Variants in C1D observed in about 807,000 individuals in gnomAD.
The protein encoded by C1D is nuclear nucleic acid-binding protein C1D.
In C1D, 10 loss-of-function variants were observed where a neutral mutation model predicts 17.5. The observed-to-expected ratio is 0.57, with a 90% confidence interval of 0.35 to 0.97. C1D has a LOEUF of 0.97. C1D is among the 50% of genes least tolerant of loss of function. The pLI, the probability that C1D is intolerant of heterozygous loss-of-function variation, is 0.01. For synonymous variants in C1D, 49 were observed against 54.0 expected, an observed-to-expected ratio of 0.91 and a Z score of 0.40; for missense variants, 136 against 160.1, an observed-to-expected ratio of 0.85 and a Z score of 0.81.
chr2:68,048,704 A>G (rs1382695871), intron 1 of C1D, among the ~76,000 whole-genome samples: 1 of 152,206 alleles, frequency 6.6e-6, no homozygotes, highest in Non-Finnish European at 1.5e-5. Context: ...AGTTAAGGCG[A>G]TAAGAAAACA....
intron 4 of C1D, among the ~76,000 whole-genome samples, chr2:68,044,821 AAAGAAAACAAATGACCTTGT>A: frequency 6.6e-6 from 1 of 152,214 alleles, no homozygotes; most frequent in East Asian, 1.9e-4. Flanking sequence ...TCTGAGGTAG[AAAGAAAACAAATGACCTTGT>A]CCTTTCACAA....
rs750654702 is a variant in C1D at position 68,041,845 on chromosome 2, T to G, written c.*1044A>C. The G allele has an allele frequency of 1.3e-5, 2 of 152,032 alleles. No homozygotes were observed. The highest frequency in any genetic ancestry group is 2.9e-5 in the Non-Finnish European group (2 of 67,890). 9.4% of individuals were successfully genotyped at this position (152,032 alleles called of 1,614,324 possible). A position where few individuals can be genotyped will look rare whatever the true frequency, so the allele number is the denominator to read the frequency against. On this transcript the variant is annotated 3_prime_UTR_variant, in exon 5 of 5. Coordinates refer to ENST00000410067, the MANE Select transcript of C1D (RefSeq NM_173177.3). ...AAACACTGAAAGCATTAAGGGCATA[T>G]AATTAAAATTCATGGGCTTAGACAT...
intron 1 of C1D, among the ~76,000 whole-genome samples, chr2:68,048,016 T>C (rs1391201886): frequency 6.6e-6 from 1 of 152,140 alleles, no homozygotes; most frequent in Non-Finnish European, 1.5e-5. Context: ...ACAGAAATCA[T>C]TTTTCAAGCC....
intron 1 of C1D, among the ~76,000 whole-genome samples, chr2:68,052,130 C>A (rs549370211): frequency 6.6e-6 from 1 of 151,130 alleles, no homozygotes; most frequent in East Asian, 2.1e-4. Context: ...TAGTGACACA[C>A]AATGAGAAGG....
At chr2:68,055,095 G>T (rs1316222614) in intron 1 of C1D, among the ~76,000 whole-genome samples, 1 of 151,588 alleles carries the variant, frequency 6.6e-6, no homozygotes, top group Non-Finnish European at 1.5e-5. Context: ...CCAAGTAACA[G>T]AACTAGACTT....
chr2:68,056,414 T>TA (rs61396669), intron 1 of C1D, among the ~76,000 whole-genome samples: 3,953 of 149,476 alleles, frequency 0.026, 157 homozygotes, highest in African/African-American at 0.09. Context: ...TTCCCTTCTT[T>TA]AAAAAAAAAA....
intron 1 of C1D, among the ~76,000 whole-genome samples, chr2:68,051,278 G>A (rs1040211439): frequency 2.0e-5 from 3 of 152,132 alleles, no homozygotes; most frequent in Non-Finnish European, 4.4e-5. Flanking sequence ...CAGCACTTTG[G>A]GAGGCCAAGG....
chr2:68,050,247 C>T (rs1400578784), intron 1 of C1D, among the ~76,000 whole-genome samples: 1 of 151,928 alleles, frequency 6.6e-6, no homozygotes, highest in African/African-American at 2.4e-5. Context: ...TGTCCGTCTG[C>T]TGGACTATTA....
intron 1 of C1D, among the ~76,000 whole-genome samples, chr2:68,050,673 C>T (rs954000971): frequency 6.6e-6 from 1 of 152,156 alleles, no homozygotes; most frequent in Non-Finnish European, 1.5e-5. Context: ...GAGGCTGTTC[C>T]TGACTCTCTT....
intron 1 of C1D, among the ~76,000 whole-genome samples, chr2:68,058,312 T>C (rs1671498110): frequency 6.6e-6 from 1 of 152,204 alleles, no homozygotes; most frequent in South Asian, 2.1e-4. Flanking sequence ...TGATAGACAT[T>C]AATCAAAGAA....
chr2:68,049,758 A>C (rs1007896444), intron 1 of C1D, among the ~76,000 whole-genome samples: 16 of 152,198 alleles, frequency 1.1e-4, no homozygotes, highest in Non-Finnish European at 1.5e-5. Context: ...ACGTATAAAC[A>C]TATTAGATTA....
intron 1 of C1D, among the ~76,000 whole-genome samples, chr2:68,048,506 T>C (rs925659152): frequency 1.3e-5 from 2 of 152,236 alleles, no homozygotes; most frequent in Non-Finnish European, 2.9e-5. Flanking sequence ...AAGTTCCTTA[T>C]AGTTCTAAAT....
At chr2:68,057,131 A>T (rs1558585515) in intron 1 of C1D, among the ~76,000 whole-genome samples, 1 of 152,188 alleles carries the variant, frequency 6.6e-6, no homozygotes, top group Non-Finnish European at 1.5e-5. Context: ...GTTGAAGAAC[A>T]GCATGTATAA....
chr2:68,053,933 T>C (rs868610566), intron 1 of C1D, among the ~76,000 whole-genome samples: 22 of 150,844 alleles, frequency 1.5e-4, no homozygotes, highest in Non-Finnish European at 3.0e-4. Flanking sequence ...ATGCTCTCCT[T>C]CTATGCTCTC....
At chr2:68,059,913 C>A (rs1671568877) in intron 1 of C1D, among the ~76,000 whole-genome samples, 1 of 152,202 alleles carries the variant, frequency 6.6e-6, no homozygotes, top group Admixed American at 6.5e-5. Flanking sequence ...ACGTCTGTTT[C>A]CAGCAATGAC....
chr2:68,062,616 T>G (rs1053365174), intron 1 of C1D, among the ~76,000 whole-genome samples: 4 of 152,240 alleles, frequency 2.6e-5, no homozygotes, highest in Non-Finnish European at 5.9e-5. Context: ...TTGTGAAGAC[T>G]TCAATGTTTT....
intron 1 of C1D, among the ~76,000 whole-genome samples, chr2:68,049,361 T>C (rs373027005): frequency 4.1e-4 from 63 of 152,330 alleles, no homozygotes; most frequent in African/African-American, 1.4e-3. Flanking sequence ...AGGACAGCTC[T>C]AGCATTTATT....
intron 1 of C1D, among the ~76,000 whole-genome samples, chr2:68,056,734 A>G (rs940415835): frequency 1.6e-4 from 25 of 152,216 alleles, no homozygotes; most frequent in African/African-American, 5.8e-4. Context: ...TTCATCTGTC[A>G]AATAGGGAAA....
At chr2:68,049,715 C>A (rs1671229315) in intron 1 of C1D, among the ~76,000 whole-genome samples, 1 of 152,054 alleles carries the variant, frequency 6.6e-6, no homozygotes, top group Non-Finnish European at 1.5e-5. Context: ...ATAACATACA[C>A]AAAAATAAAC....
Sources: gnomAD v4.1 joint callset for allele counts (sites outside exome capture counted in the v4.1 genomes callset) on GRCh38, gnomAD v4.1.1 for gene constraint, MANE v1.5 for transcripts, NCBI Gene and HGNC (gene_info 2026-07-23, HGNC 2026-07-21) for gene names.